The following INSR variants were observed in gnomAD, a reference collection of about 807,000 sequenced individuals.
The protein encoded by INSR is insulin receptor, also known as IR.
INSR carries 67 observed loss-of-function variants against 142.6 expected under a neutral mutation model. That is an observed-to-expected ratio of 0.47 (90% CI 0.39 to 0.58). The LOEUF is 0.58. INSR is among the 20% of genes least tolerant of loss of function. INSR has a pLI of 0.00. For missense variants in INSR, 1,248 were observed against 1,833.2 expected (o/e 0.68, Z 5.83); for synonymous variants, 756 against 743.1 (o/e 1.02, Z -0.28).
Position 7,152,790 on chromosome 19 carries a change from G to A in INSR, c.2167C>T (p.Leu723=). 6.2e-7 allele frequency: 1 copy of A among 1,613,446 alleles called. No homozygotes were observed. The highest frequency in any genetic ancestry group is 8.5e-7 in the Non-Finnish European group (1 of 1,179,952). ...GTCTTCCTAAACGAGGACTCCTCCA[G>A]CTCCTTCAGGATCTGAGAGTCTGTC... ...PKTDSQILKE[L]EESSFRKTFE... The change falls in exon 10 of 22, where the codon CTG becomes TTG. Residue 723 remains leucine (L), a synonymous_variant. Coordinates refer to ENST00000302850, the MANE Select transcript of INSR (RefSeq NM_000208.4).
intron 10 of INSR, chr19:7,152,417 T>G: frequency 2.6e-6 from 1 of 383,922 alleles, no homozygotes; most frequent in South Asian, 2.4e-5. Context: ...AAAAAAAAAA[T>G]GTTAATCGTC....
chr19:7,136,146 G>A (rs1256397252), intron 13 of INSR, among the ~76,000 whole-genome samples: 4 of 152,012 alleles, frequency 2.6e-5, no homozygotes, highest in Admixed American at 6.6e-5. Flanking sequence ...GTATTGCATC[G>A]TGGTCTTGAT....
At chr19:7,117,522 T>A in intron 21 of INSR, 112 bp from the exon 22 acceptor site, 1 of 718,480 alleles carries the variant, frequency 1.4e-6, no homozygotes, top group South Asian at 1.7e-5. Context: ...TGTGCTCACA[T>A]CAGATGCTGG....
rs1308870806 is a variant in INSR at position 7,294,013 on chromosome 19, G to A, written c.-122C>T. ...GCGCGTCCTTCTCTTCCACGCCCGC[G>A]ACCCGCGGGCCGCAGCCCCCCTGCC... On this transcript the variant is annotated 5_prime_UTR_variant, in exon 1 of 22. Transcript: ENST00000302850. 3.8e-6 allele frequency: 4 copies of A among 1,046,936 alleles called. No individual in the cohort carries two copies. Among genetic ancestry groups the A allele is most frequent in the Non-Finnish European group, 4.7e-6 (4 of 855,226 alleles). 64.9% of individuals were successfully genotyped at this position (1,046,936 alleles called of 1,614,324 possible).
At chr19:7,262,689 C>A (rs1977100990) in intron 2 of INSR, among the ~76,000 whole-genome samples, 1 of 152,218 alleles carries the variant, frequency 6.6e-6, no homozygotes, top group South Asian at 2.1e-4. Context: ...ATTTCCGACA[C>A]AGGCTACCAC....
intron 2 of INSR, among the ~76,000 whole-genome samples, chr19:7,213,348 A>C (rs1975335992): frequency 1.4e-5 from 2 of 148,066 alleles, no homozygotes; most frequent in African/African-American, 5.1e-5. Flanking sequence ...TCTCAAAAAA[A>C]AAAAAAAAAA....
rs62124512 is a variant in INSR, at chr19:7,170,366, C to T, written c.1483+171G>A. On this transcript the variant is annotated intron_variant, in intron 6 of 21. Coordinates refer to ENST00000302850, the MANE Select transcript of INSR (RefSeq NM_000208.4). ...TGATTCTACATGATGGTGAGTTGTA[C>T]AATTCTTTCATTATATATTACAATG... Among the ~76,000 whole-genome samples, 11,687 of 151,682 alleles carry T rather than the reference C, an allele frequency of 0.077. 536 individuals are homozygous for T. Among genetic ancestry groups the T allele is most frequent in the South Asian group, 0.23 (1,099 of 4,798 alleles).
intron 2 of INSR, among the ~76,000 whole-genome samples, chr19:7,266,305 A>T (rs1043776602): frequency 6.6e-6 from 1 of 152,144 alleles, no homozygotes; most frequent in Non-Finnish European, 1.5e-5. Context: ...TCTGGAAAGC[A>T]AGCCTAAAGA....
chr19:7,240,394 C>T (rs1007094071), intron 2 of INSR, among the ~76,000 whole-genome samples: 1 of 151,880 alleles, frequency 6.6e-6, no homozygotes, highest in African/African-American at 2.4e-5. Context: ...ACCAGCCAGG[C>T]CAACATGGTG....
At chr19:7,140,988 C>T (rs1438747524) in intron 13 of INSR, among the ~76,000 whole-genome samples, 1 of 152,144 alleles carries the variant, frequency 6.6e-6, no homozygotes, top group Non-Finnish European at 1.5e-5. Flanking sequence ...TCACCCAGCA[C>T]CTTGCATGGT....
chr19:7,126,690 C>G (rs1311420651), intron 15 of INSR, 39 bp from the exon 16 acceptor site: 2 of 1,538,252 alleles, frequency 1.3e-6, no homozygotes, highest in Non-Finnish European at 1.8e-6. Context: ...TTGAGATTCT[C>G]ATGGGACTCT....
intron 3 of INSR, among the ~76,000 whole-genome samples, chr19:7,177,491 T>C (rs1354954014): frequency 6.6e-6 from 1 of 152,026 alleles, no homozygotes; most frequent in Non-Finnish European, 1.5e-5. Flanking sequence ...CAAACTCCTT[T>C]AATCTTGGTT....
chr19:7,229,760 CTTTTTT>C (rs71177180), intron 2 of INSR, among the ~76,000 whole-genome samples: 2 of 87,498 alleles, frequency 2.3e-5, no homozygotes, highest in Non-Finnish European at 2.2e-5. Flanking sequence ...CATTTACAGT[CTTTTTT>C]TTTTTTTTTT....
intron 1 of INSR, among the ~76,000 whole-genome samples, chr19:7,274,232 G>A (rs922169765): frequency 2.0e-5 from 3 of 151,916 alleles, no homozygotes; most frequent in Non-Finnish European, 4.4e-5. Context: ...TCCCTTGTAT[G>A]CACAGTTCAC....
chr19:7,139,821 C>CTTTTTTTTTTT (rs10673049), intron 13 of INSR, among the ~76,000 whole-genome samples: 1 of 115,734 alleles, frequency 8.6e-6, no homozygotes, highest in Non-Finnish European at 1.7e-5. Context: ...GTTGCGTATT[C>CTTTTTTTTTTT]TTTTTTTTTT....
chr19:7,181,808 T>G (rs1974282021), intron 3 of INSR, among the ~76,000 whole-genome samples: 1 of 151,238 alleles, frequency 6.6e-6, no homozygotes, highest in Admixed American at 6.6e-5. Flanking sequence ...CTTGAACTCC[T>G]GCCCTCAGAT....
chr19:7,285,953 C>G (rs1407002083), intron 1 of INSR, among the ~76,000 whole-genome samples: 1 of 152,062 alleles, frequency 6.6e-6, no homozygotes, highest in Non-Finnish European at 1.5e-5. Flanking sequence ...TTTAAAAAGC[C>G]AATTTTACTG....
At chr19:7,244,838 C>T (rs1232936997) in intron 2 of INSR, among the ~76,000 whole-genome samples, 1 of 151,596 alleles carries the variant, frequency 6.6e-6, no homozygotes, top group East Asian at 1.9e-4. Flanking sequence ...GTGCTGGCAG[C>T]GAGCTGCACT....
At position 7,213,727 on chromosome 19, in the gene INSR, C is replaced by T. The variant is rs577689863; in HGVS notation, c.653-29090G>A. On this transcript the variant is annotated intron_variant, in intron 2 of 21. Transcript: ENST00000302850. ...AGAACTGGCTGGGCACAGTGGCTCA[C>T]GCCTGTCATCCCAGCCCTTTGGGAG... Among the ~76,000 whole-genome samples the T allele has an allele frequency of 3.3e-5, 5 of 152,330 alleles. No homozygotes were observed. The South Asian group carries it at 8.3e-4, about 25-fold the overall frequency.
Sources: gnomAD v4.1 joint callset for allele counts (sites outside exome capture counted in the v4.1 genomes callset) on GRCh38, gnomAD v4.1.1 for gene constraint, MANE v1.5 for transcripts, NCBI Gene and HGNC (gene_info 2026-07-23, HGNC 2026-07-21) for gene names.